TENM1: variants seen among roughly 807,000 people sequenced by gnomAD.
TENM1 encodes the protein teneurin transmembrane protein 1.
Under a neutral mutation model 174.8 loss-of-function variants are expected in TENM1, and 35 were observed. The ratio of observed to expected loss-of-function variants is 0.20; its 90% CI spans 0.15 to 0.27. The LOEUF (loss-of-function observed/expected upper bound fraction) is 0.27, where lower values mean the gene tolerates loss of function less well. Ranked by LOEUF, TENM1 falls within the 10% of genes least tolerant of loss-of-function variation. The pLI is 1.00. For synonymous variants in TENM1, 781 were observed against 798.7 expected, an observed-to-expected ratio of 0.98 and a Z score of 0.37; for missense variants, 1,633 against 2,130.1, an observed-to-expected ratio of 0.77 and a Z score of 4.59.
intron 11 of TENM1, among the ~76,000 whole-genome samples, chrX:124,622,911 A>C (rs1218910537): frequency 8.9e-6 from 1 of 111,945 alleles, no homozygotes; most frequent in Non-Finnish European, 1.9e-5. Context: ...AGAATGAGAG[A>C]GAGTTAACTT....
At chrX:125,160,285 A>G in the TENM1 span, among the ~76,000 whole-genome samples, 2 of 106,204 alleles carry the variant, frequency 1.9e-5, no homozygotes, top group Non-Finnish European at 3.9e-5. Flanking sequence ...GTACTTTGGG[A>G]GGCTGAGGCA....
At chrX:125,165,455 A>G in the TENM1 span, among the ~76,000 whole-genome samples, 1,380 of 112,040 alleles carry the variant, frequency 0.012, 11 homozygotes, top group Non-Finnish European at 0.016. Context: ...AAAAAAGTGG[A>G]AAAAGAAAAA....
At chrX:125,070,077 G>C in the TENM1 span, among the ~76,000 whole-genome samples, 1 of 110,051 alleles carries the variant, frequency 9.1e-6, no homozygotes, top group African/African-American at 3.3e-5. Flanking sequence ...TGTGGTCTTA[G>C]CTACTCAGTA....
intron 3 of TENM1, among the ~76,000 whole-genome samples, chrX:124,845,775 G>A (rs1025893639): frequency 1.8e-5 from 2 of 110,036 alleles, no homozygotes; most frequent in African/African-American, 3.3e-5. Flanking sequence ...GTACGGAAGC[G>A]GGTAGGGTAG....
the TENM1 span, among the ~76,000 whole-genome samples, chrX:125,005,189 T>TACACACACAC: frequency 1.2e-4 from 11 of 88,772 alleles, no homozygotes; most frequent in African/African-American, 4.0e-4. Flanking sequence ...GATGTATACA[T>TACACACACAC]ACACACACAC....
intron 3 of TENM1, among the ~76,000 whole-genome samples, chrX:124,866,415 G>T (rs1402490159): frequency 9.0e-6 from 1 of 111,676 alleles, no homozygotes; most frequent in Non-Finnish European, 1.9e-5. Flanking sequence ...TGACCAGTGG[G>T]TCAATGGAGA....
intron 15 of TENM1, among the ~76,000 whole-genome samples, chrX:124,546,435 C>T (rs989901082): frequency 4.5e-5 from 5 of 111,583 alleles, no homozygotes; most frequent in Non-Finnish European, 9.4e-5. Flanking sequence ...TGAGCTTTCC[C>T]GGAAGACAGA....
intron 1 of TENM1, among the ~76,000 whole-genome samples, chrX:124,905,637 A>AG (rs1280982373): frequency 4.5e-5 from 5 of 111,833 alleles, no homozygotes; most frequent in Admixed American, 1.9e-4. Flanking sequence ...CAGGACAAGG[A>AG]GGGGGATCAC....
chrX:124,793,855 T>C (rs1200190620), intron 3 of TENM1, among the ~76,000 whole-genome samples: 1 of 110,774 alleles, frequency 9.0e-6, no homozygotes, highest in African/African-American at 3.3e-5. Flanking sequence ...TCTCCAAAGT[T>C]GTGAAATGAC....
chrX:124,561,929 G>A (rs1158096985), intron 13 of TENM1, 112 bp from the exon 17 acceptor site: 2 of 757,259 alleles, frequency 2.6e-6, no homozygotes, highest in African/African-American at 4.2e-5. Flanking sequence ...ATTCAGATGA[G>A]GTGTTGAATA....
rs7878385 is a variant in TENM1, at chrX:124,779,540, T to C, written c.536-42343A>G. On this transcript the variant is annotated intron_variant, in intron 3 of 31. Transcript: ENST00000422452. ...CAAATTGTATTTCATGAGCACGTCT[T>C]AGGGACTAGGATGGGGCCTGAAGCT... is the stretch of plus-strand genomic sequence containing the variant. Among the ~76,000 whole-genome samples, 414 of 111,995 alleles carry C rather than the reference T, an allele frequency of 3.7e-3. 3 individuals are homozygous for C. Among genetic ancestry groups the C allele is most frequent in the African/African-American group, 0.013 (396 of 30,861 alleles).
At chrX:124,912,502 A>G (rs1407660304) in intron 1 of TENM1, among the ~76,000 whole-genome samples, 3 of 110,522 alleles carry the variant, frequency 2.7e-5, no homozygotes, top group Non-Finnish European at 5.7e-5. Context: ...GTTGGGGGGA[A>G]GAGCTCTTCT....
chrX:124,804,758 A>G (rs926710058), intron 3 of TENM1, among the ~76,000 whole-genome samples: 3 of 111,890 alleles, frequency 2.7e-5, no homozygotes, highest in Non-Finnish European at 5.6e-5. Context: ...TAGATATAAC[A>G]AAGTTTGACA....
intron 18 of TENM1, among the ~76,000 whole-genome samples, chrX:124,513,227 T>C (rs1408614627): frequency 2.7e-5 from 3 of 111,648 alleles, no homozygotes; most frequent in African/African-American, 9.8e-5. Context: ...TTCCAGCTTC[T>C]AGTAGGTGCT....
At chrX:124,479,762 T>C (rs886075851) in intron 22 of TENM1, among the ~76,000 whole-genome samples, 13 of 111,844 alleles carry the variant, frequency 1.2e-4, no homozygotes, top group African/African-American at 4.2e-4. Context: ...TTCCTCTCTA[T>C]TTTTTATGCA....
At chrX:124,841,812 GC>G (rs113112780) in intron 3 of TENM1, among the ~76,000 whole-genome samples, 2,522 of 111,240 alleles carry the variant, frequency 0.023, 79 homozygotes, top group African/African-American at 0.078. Flanking sequence ...AGAAATAGAG[GC>G]CCCTCCTGGG....
At chrX:124,744,081 C>T (rs2053862364) in intron 3 of TENM1, among the ~76,000 whole-genome samples, 3 of 111,602 alleles carry the variant, frequency 2.7e-5, no homozygotes, top group Admixed American at 9.6e-5. Flanking sequence ...AATCAGCCAA[C>T]CTCAGGCATA....
At chrX:124,569,403 T>C (rs2049009360) in intron 11 of TENM1, among the ~76,000 whole-genome samples, 1 of 111,990 alleles carries the variant, frequency 8.9e-6, no homozygotes, top group Non-Finnish European at 1.9e-5. Context: ...GTTAACAGAT[T>C]TGATCTAATT....
intron 11 of TENM1, among the ~76,000 whole-genome samples, chrX:124,582,297 T>A (rs1209529883): frequency 8.9e-6 from 1 of 111,895 alleles, no homozygotes; most frequent in Non-Finnish European, 1.9e-5. Flanking sequence ...ATGTTTTTTG[T>A]CAATTTTAAT....
Sources: allele counts gnomAD v4.1 joint callset (sites outside exome capture counted in the v4.1 genomes callset), GRCh38; gene constraint gnomAD v4.1.1; transcripts MANE v1.5; gene names NCBI Gene and HGNC (gene_info 2026-07-23, HGNC 2026-07-21).